DLC1: variants seen among roughly 807,000 people sequenced by gnomAD.
The protein encoded by DLC1 is rho GTPase-activating protein 7.
A neutral mutation model predicts 140.3 loss-of-function variants in DLC1; 54 were observed. The ratio of observed to expected loss-of-function variants is 0.38; its 90% CI spans 0.31 to 0.48. DLC1 has a LOEUF of 0.48. DLC1 is among the 20% of genes least tolerant of loss of function. DLC1 has a pLI of 0.96. For synonymous variants in DLC1, 986 were observed against 728.1 expected (o/e 1.35, Z -5.70); for missense variants, 2,536 against 1,907.0 (o/e 1.33, Z -6.14).
intron 2 of DLC1, among the ~76,000 whole-genome samples, chr8:13,430,322 A>G (rs1838803411): frequency 6.6e-6 from 1 of 152,210 alleles, no homozygotes; most frequent in African/African-American, 2.4e-5. Context: ...CCTTTGAAAA[A>G]AATCAAATAG....
At chr8:13,286,782 TA>T in intron 5 of DLC1, among the ~76,000 whole-genome samples, 1 of 146,840 alleles carries the variant, frequency 6.8e-6, no homozygotes, top group Non-Finnish European at 1.5e-5. Flanking sequence ...TTGATTGGCA[TA>T]AAAATGCTAA....
chr8:13,377,582 G>T (rs1836059090), intron 4 of DLC1, among the ~76,000 whole-genome samples: 1 of 152,032 alleles, frequency 6.6e-6, no homozygotes, highest in Admixed American at 6.6e-5. Context: ...TATAGACCTA[G>T]AGCAAAGTCA....
chr8:13,217,168 C>A (rs934655331), intron 5 of DLC1, among the ~76,000 whole-genome samples: 1 of 152,134 alleles, frequency 6.6e-6, no homozygotes, highest in African/African-American at 2.4e-5. Context: ...AACATCAGTT[C>A]TCTTACTATT....
intron 2 of DLC1, among the ~76,000 whole-genome samples, chr8:13,469,155 C>T (rs1800092205): frequency 6.6e-6 from 1 of 152,084 alleles, no homozygotes; most frequent in African/African-American, 2.4e-5. Context: ...TTGCTTGTAT[C>T]TTAATAATTT....
At chr8:13,416,604 A>G (rs961765883) in intron 2 of DLC1, among the ~76,000 whole-genome samples, 35 of 152,226 alleles carry the variant, frequency 2.3e-4, no homozygotes, top group Admixed American at 2.0e-4. Flanking sequence ...ATAGAAATAA[A>G]ACAGACCAAA....
intron 5 of DLC1, among the ~76,000 whole-genome samples, chr8:13,210,835 C>T (rs994835299): frequency 5.3e-5 from 8 of 152,170 alleles, no homozygotes; most frequent in East Asian, 3.9e-4. Flanking sequence ...CTATTCTTGC[C>T]GCTTTTAAGT....
intron 7 of DLC1, among the ~76,000 whole-genome samples, chr8:13,109,385 C>A (rs1219787002): frequency 1.3e-5 from 2 of 151,718 alleles, no homozygotes; most frequent in East Asian, 2.0e-4. Context: ...AGCAAGACCG[C>A]ATCTCTACAA....
intron 5 of DLC1, among the ~76,000 whole-genome samples, chr8:13,230,192 C>G (rs575534952): frequency 2.0e-4 from 30 of 152,300 alleles, no homozygotes; most frequent in African/African-American, 6.0e-4. Context: ...AGCCAATAAA[C>G]CATTTCTGGT....
chr8:13,416,047 C>T (rs1838040812), intron 2 of DLC1, among the ~76,000 whole-genome samples: 1 of 152,150 alleles, frequency 6.6e-6, no homozygotes. Context: ...ATGCTTTCTA[C>T]CTAGACACTG....
chr8:13,551,774 A>G lies in DLC1; in HGVS notation c.-125-51578T>C, dbSNP rs765727715. On this transcript the variant is annotated intron_variant, in intron 1 of 1. Coordinates refer to the DLC1 transcript ENST00000631382. ...GTTTCTATATCAAACATATGTATCT[A>G]TCAAACATATATGTATCTATATCTA... Among the ~76,000 whole-genome samples the G allele has an allele frequency of 1.0e-4, 15 of 150,720 alleles. No individual in the cohort carries two copies. The Admixed American group carries it at 1.0e-3, about 10-fold the overall frequency.
chr8:13,351,709 A>G (rs979078670), intron 4 of DLC1, among the ~76,000 whole-genome samples: 2 of 152,230 alleles, frequency 1.3e-5, no homozygotes, highest in East Asian at 1.9e-4. Flanking sequence ...CAGACTTAAA[A>G]TATTCACTAT....
intron 5 of DLC1, among the ~76,000 whole-genome samples, chr8:13,195,196 T>C (rs1243953788): frequency 6.6e-6 from 1 of 152,212 alleles, no homozygotes; most frequent in African/African-American, 2.4e-5. Flanking sequence ...CTCAAAGCCT[T>C]TGGGTTCTAA....
chr8:13,136,054 C>T (rs1025697709), intron 5 of DLC1, among the ~76,000 whole-genome samples: 2 of 152,196 alleles, frequency 1.3e-5, no homozygotes, highest in Non-Finnish European at 2.9e-5. Context: ...ATTTGTATAG[C>T]TTTAATTCCA....
At chr8:13,137,665 G>C (rs1034724132) in intron 5 of DLC1, among the ~76,000 whole-genome samples, 2 of 150,532 alleles carry the variant, frequency 1.3e-5, no homozygotes, top group African/African-American at 4.9e-5. Context: ...GCAGTGGTGG[G>C]TTCTCAGCTC....
intron 2 of DLC1, among the ~76,000 whole-genome samples, chr8:13,488,752 G>A (rs940158649): frequency 3.9e-5 from 6 of 152,234 alleles, no homozygotes; most frequent in Admixed American, 3.3e-4. Flanking sequence ...AAAACTTACC[G>A]AAGTTAATTA....
At chr8:13,290,442 A>G (rs943962253) in intron 5 of DLC1, among the ~76,000 whole-genome samples, 1 of 152,234 alleles carries the variant, frequency 6.6e-6, no homozygotes, top group South Asian at 2.1e-4. Context: ...CAAACAGTGC[A>G]TTAAAGGATA....
chr8:13,511,438 T>C (rs956263357), intron 1 of DLC1, among the ~76,000 whole-genome samples: 1 of 152,202 alleles, frequency 6.6e-6, no homozygotes, highest in Non-Finnish European at 1.5e-5. Flanking sequence ...CCTAGTTTAT[T>C]CATTATTATT....
intron 2 of DLC1, among the ~76,000 whole-genome samples, chr8:13,455,425 C>G (rs192699627): frequency 2.6e-5 from 4 of 152,208 alleles, no homozygotes; most frequent in African/African-American, 9.6e-5. Flanking sequence ...CTGCAGCTGG[C>G]TCATCTCGTG....
chr8:13,604,019 TA>T (rs1254294678), intron 1 of DLC1, among the ~76,000 whole-genome samples: 8 of 152,102 alleles, frequency 5.3e-5, no homozygotes, highest in Non-Finnish European at 1.2e-4. Flanking sequence ...AAGAAAAATA[TA>T]AAAATATTTT....
Sources: gnomAD v4.1 joint callset for allele counts (sites outside exome capture counted in the v4.1 genomes callset) on GRCh38, gnomAD v4.1.1 for gene constraint, MANE v1.5 for transcripts, NCBI Gene and HGNC (gene_info 2026-07-23, HGNC 2026-07-21) for gene names.